ZCWPW2: variants seen among roughly 807,000 people sequenced by gnomAD.
ZCWPW2 encodes zinc finger CW-type PWWP domain protein 2.
Under a neutral mutation model 46.6 loss-of-function variants are expected in ZCWPW2, and 45 were observed. That is an observed-to-expected ratio of 0.96 (90% CI 0.76 to 1.24). ZCWPW2 has a LOEUF of 1.24. Among genes scored for constraint, ZCWPW2 ranks in the 50% most tolerant of loss-of-function variants. The pLI, the probability that ZCWPW2 is intolerant of heterozygous loss-of-function variation, is 0.00. For missense variants in ZCWPW2, 429 were observed against 403.9 expected (o/e 1.06, Z -0.53); for synonymous variants, 152 against 137.1 (o/e 1.11, Z -0.76).
chr3:28,358,391 T>C (rs1324925308), intron 1 of ZCWPW2, among the ~76,000 whole-genome samples: 1 of 152,154 alleles, frequency 6.6e-6, no homozygotes, highest in Non-Finnish European at 1.5e-5. Flanking sequence ...TTCATTCAAG[T>C]GACTCTGATT....
chr3:28,413,179 T>C lies in ZCWPW2; in HGVS notation c.111T>C (p.Asn37=). The change falls in exon 3 of 10, where the codon AAT becomes AAC. Residue 37 remains asparagine, a synonymous_variant. Coordinates refer to ENST00000383768, the MANE Select transcript of ZCWPW2 (RefSeq NM_001040432.4). ...NKVWVQCENE[N]CLKWRLLSSE... is the part of the protein sequence containing the mutation. ...TGTGGGTTCAATGTGAGAATGAAAA[T>C]TGTTTGAAATGGAGATTGTTATCAA... 6.2e-7 allele frequency: 1 copy of C among 1,613,290 alleles called. No individual in the cohort carries two copies. The highest frequency in any genetic ancestry group is 8.5e-7 in the Non-Finnish European group (1 of 1,179,528).
intron 1 of ZCWPW2, 44 bp from the exon 2 acceptor site, chr3:28,390,454 T>G (rs547004263): frequency 2.0e-6 from 2 of 977,212 alleles, no homozygotes; most frequent in Admixed American, 6.1e-5. Flanking sequence ...AATGTGGGTA[T>G]TATATAGTTT....
At chr3:28,400,314 T>A (rs1695869367) in intron 2 of ZCWPW2, among the ~76,000 whole-genome samples, 1 of 152,030 alleles carries the variant, frequency 6.6e-6, no homozygotes, top group Non-Finnish European at 1.5e-5. Context: ...AACCTAAGAA[T>A]AATTGGTGTT....
At chr3:28,488,333 C>G (rs761759339) in intron 5 of ZCWPW2, among the ~76,000 whole-genome samples, 10 of 152,138 alleles carry the variant, frequency 6.6e-5, no homozygotes, top group Non-Finnish European at 1.2e-4. Context: ...CCCACTTCTC[C>G]AAAGGATCTA....
In ZCWPW2 at chr3:28,436,886, A is replaced by G. The variant is rs74685289; in HGVS notation, c.492+1617A>G. 2.9e-3 allele frequency among the ~76,000 whole-genome samples: 435 copies of G among 152,316 alleles called. 4 individuals are homozygous for G. Among genetic ancestry groups the G allele is most frequent in the African/African-American group, 9.7e-3 (405 of 41,562 alleles). On this transcript the variant is annotated intron_variant, in intron 4 of 9. Coordinates refer to ENST00000383768, the MANE Select transcript of ZCWPW2 (RefSeq NM_001040432.4). Reference sequence around the variant, plus strand: ...TACGGGAATCTTTTAGCTGCTCATGAAGCTGACCTTAGAATCTTACCTCAG... The same window carrying G: ...TACGGGAATCTTTTAGCTGCTCATGGAGCTGACCTTAGAATCTTACCTCAG...
At chr3:28,483,225 C>T (rs1484278587) in intron 5 of ZCWPW2, among the ~76,000 whole-genome samples, 1 of 152,174 alleles carries the variant, frequency 6.6e-6, no homozygotes, top group African/African-American at 2.4e-5. Context: ...GTTGTTCCTG[C>T]ACCACTGGTT....
At position 28,349,418 on chromosome 3, in the gene ZCWPW2, C is replaced by G. The variant is rs112458735; in HGVS notation, c.-134+215C>G. Among the ~76,000 whole-genome samples, 717 of 152,300 alleles carry G rather than the reference C, an allele frequency of 4.7e-3. 2 individuals are homozygous for G. The highest frequency in any genetic ancestry group is 7.2e-3 in the Non-Finnish European group (491 of 68,042). On this transcript the variant is annotated intron_variant, in intron 1 of 9. Coordinates refer to ENST00000383768, the MANE Select transcript of ZCWPW2 (RefSeq NM_001040432.4). ...GCCGTTCCTCTGTAGCCTCTGTTTT[C>G]TAAACTACTTGCAAGCCCTCAGGCG... is the stretch of plus-strand genomic sequence containing the variant.
chr3:28,352,252 C>T (rs1053997134), intron 1 of ZCWPW2, among the ~76,000 whole-genome samples: 5 of 152,100 alleles, frequency 3.3e-5, no homozygotes, highest in Non-Finnish European at 7.3e-5. Context: ...AACCGGCAGT[C>T]TCTGAACTGG....
intron 3 of ZCWPW2, among the ~76,000 whole-genome samples, chr3:28,425,753 C>A (rs1696981802): frequency 6.6e-6 from 1 of 152,266 alleles, no homozygotes; most frequent in East Asian, 1.9e-4. Context: ...CAGGAATAAT[C>A]AAATTATAAC....
chr3:28,478,750 T>C (rs923034826), intron 4 of ZCWPW2, 64 bp from the exon 5 acceptor site: 1 of 811,798 alleles, frequency 1.2e-6, no homozygotes. Context: ...GCTTAATAAG[T>C]GGATTTTAAA....
At chr3:28,365,236 G>C (rs1705083587) in intron 1 of ZCWPW2, among the ~76,000 whole-genome samples, 1 of 145,118 alleles carries the variant, frequency 6.9e-6, no homozygotes, top group Non-Finnish European at 1.5e-5. Flanking sequence ...CTTATGTCCT[G>C]AATGGTATTG....
chr3:28,351,283 G>T (rs1704540464), intron 1 of ZCWPW2, among the ~76,000 whole-genome samples: 1 of 149,318 alleles, frequency 6.7e-6, no homozygotes, highest in Admixed American at 6.7e-5. Flanking sequence ...TATTACAAAA[G>T]CTCCTTCTCC....
At chr3:28,389,657 A>G (rs912090093) in intron 1 of ZCWPW2, among the ~76,000 whole-genome samples, 1 of 152,206 alleles carries the variant, frequency 6.6e-6, no homozygotes, top group Non-Finnish European at 1.5e-5. Context: ...AACAATTCCC[A>G]GTACCAGAAT....
intron 2 of ZCWPW2, among the ~76,000 whole-genome samples, chr3:28,400,503 T>A (rs1451586588): frequency 6.6e-6 from 1 of 152,114 alleles, no homozygotes; most frequent in East Asian, 1.9e-4. Flanking sequence ...TTATCTAAAG[T>A]TAAGATGAAG....
intron 2 of ZCWPW2, among the ~76,000 whole-genome samples, chr3:28,398,657 A>G (rs941108579): frequency 6.6e-6 from 1 of 152,154 alleles, no homozygotes; most frequent in African/African-American, 2.4e-5. Context: ...TCTGCCCCCA[A>G]ATACACACCC....
At chr3:28,474,975 C>T (rs1339536642) in intron 4 of ZCWPW2, among the ~76,000 whole-genome samples, 1 of 151,886 alleles carries the variant, frequency 6.6e-6, no homozygotes. Context: ...ACTACAGGCA[C>T]ATGCTACCAC....
chr3:28,370,405 T>G (rs1705285169), intron 1 of ZCWPW2, among the ~76,000 whole-genome samples: 1 of 152,228 alleles, frequency 6.6e-6, no homozygotes, highest in Admixed American at 6.5e-5. Flanking sequence ...CATAATGGAA[T>G]ATTCTATGGG....
chr3:28,406,090 A>T (rs1374799191), intron 2 of ZCWPW2, among the ~76,000 whole-genome samples: 1 of 152,230 alleles, frequency 6.6e-6, no homozygotes, highest in Non-Finnish European at 1.5e-5. Flanking sequence ...ATACCTGAGC[A>T]AAGTGTTGAA....
At chr3:28,373,087 A>G (rs1333632948) in intron 1 of ZCWPW2, among the ~76,000 whole-genome samples, 1 of 152,154 alleles carries the variant, frequency 6.6e-6, no homozygotes, top group East Asian at 1.9e-4. Context: ...TGATTCCATA[A>G]TTTGGCTATT....
Sources: allele counts gnomAD v4.1 joint callset (sites outside exome capture counted in the v4.1 genomes callset), GRCh38; gene constraint gnomAD v4.1.1; transcripts MANE v1.5; gene names NCBI Gene and HGNC (gene_info 2026-07-23, HGNC 2026-07-21).